FAM168B: variants seen among roughly 807,000 people sequenced by gnomAD.
FAM168B encodes family with sequence similarity 168 member B, also known as myelin-associated neurite-outgrowth inhibitor.
FAM168B carries 19 observed loss-of-function variants against 21.8 expected under a neutral mutation model. That is an observed-to-expected ratio of 0.87 (90% CI 0.61 to 1.28). The LOEUF (loss-of-function observed/expected upper bound fraction) is 1.28, where lower values mean the gene tolerates loss of function less well. Ranked by LOEUF, FAM168B falls within the 50% of genes most tolerant of loss-of-function variation. The probability of loss-of-function intolerance (pLI) is 0.00; values close to 1 mark genes in which losing one functional copy is unlikely to be tolerated. For missense variants in FAM168B, 233 were observed against 263.1 expected, an observed-to-expected ratio of 0.89 and a Z score of 0.79; for synonymous variants, 126 against 104.8, an observed-to-expected ratio of 1.20 and a Z score of -1.24.
At position 131,051,921 on chromosome 2, in the gene FAM168B, A is replaced by C; in HGVS notation, c.*544T>G. The C allele has an allele frequency of 1.0e-6, 1 of 985,490 alleles. No homozygotes were observed. Among genetic ancestry groups the C allele is most frequent in the Non-Finnish European group, 1.2e-6 (1 of 829,942 alleles). 61.0% of individuals were successfully genotyped at this position (985,490 alleles called of 1,614,324 possible). Reference sequence around the variant, plus strand: ...AAAGAAACAGGTCGCTGAAAACTAAAATGTCCACATCCCTAACTGGCAACC... The same window carrying C: ...AAAGAAACAGGTCGCTGAAAACTAACATGTCCACATCCCTAACTGGCAACC... On this transcript the variant is annotated 3_prime_UTR_variant, in exon 7 of 7. Coordinates refer to ENST00000389915, the MANE Select transcript of FAM168B (RefSeq NM_001009993.4).
At chr2:131,071,639 C>T (rs1390432269) in intron 3 of FAM168B, among the ~76,000 whole-genome samples, 1 of 152,136 alleles carries the variant, frequency 6.6e-6, no homozygotes, top group East Asian at 1.9e-4. Flanking sequence ...CTAGTGATTA[C>T]AGATTTGCCT....
Position 131,052,022 on chromosome 2 carries a change from A to T in FAM168B, c.*443T>A. On this transcript the variant is annotated 3_prime_UTR_variant, in exon 7 of 7. Transcript: ENST00000389915. ...TATGAAGAAATTCACTTTAACACTT[A>T]TAACTGTAAGACTTTGCATACATTA... is the stretch of plus-strand genomic sequence containing the variant. 2.0e-6 allele frequency: 2 copies of T among 985,718 alleles called. No homozygotes were observed. Among genetic ancestry groups the T allele is most frequent in the South Asian group, 9.4e-5 (2 of 21,290 alleles). 61.1% of individuals were successfully genotyped at this position (985,718 alleles called of 1,614,324 possible).
At chr2:131,061,275 A>C (rs1211642031) in intron 3 of FAM168B, among the ~76,000 whole-genome samples, 3 of 148,604 alleles carry the variant, frequency 2.0e-5, no homozygotes, top group East Asian at 4.1e-4. Context: ...CCAAGCTGGC[A>C]AAACCTCGCC....
At chr2:131,060,886 C>G (rs1692258059) in intron 3 of FAM168B, among the ~76,000 whole-genome samples, 1 of 151,878 alleles carries the variant, frequency 6.6e-6, no homozygotes, top group Admixed American at 6.5e-5. Context: ...GAGTCTCGCT[C>G]AGTTGCCTAG....
Position 131,082,597 on chromosome 2 carries a change from G to A in FAM168B, c.50C>T (p.Ala17Val), listed in dbSNP as rs185622031. 3.5e-5 allele frequency: 57 copies of A among 1,608,362 alleles called. No homozygotes were observed. Among genetic ancestry groups the A allele is most frequent in the East Asian group, 6.7e-5 (3 of 44,782 alleles). ...PGSSGVPYANAKGIGYPAGFP... is the reference protein window; with the variant it reads ...PGSSGVPYANVKGIGYPAGFP... Reference sequence around the variant, plus strand: ...CTTACCTGGATAACCAATTCCTTTGGCATTTGCATAGGGAACCCCAGAAGA... The same window carrying A: ...CTTACCTGGATAACCAATTCCTTTGACATTTGCATAGGGAACCCCAGAAGA... The change falls in exon 2 of 7, where the codon GCC becomes GTC. Residue 17 changes from alanine to valine, a missense_variant. By Grantham distance (64) the Ala-to-Val change is moderately conservative. Transcript: ENST00000389915.
intron 3 of FAM168B, among the ~76,000 whole-genome samples, chr2:131,058,896 T>C (rs1040988915): frequency 6.6e-5 from 10 of 152,226 alleles, no homozygotes; most frequent in African/African-American, 2.4e-4. Context: ...TATAACATTT[T>C]CTTTAATTAT....
intron 3 of FAM168B, among the ~76,000 whole-genome samples, chr2:131,070,722 C>T (rs906842567): frequency 2.0e-5 from 3 of 151,950 alleles, no homozygotes; most frequent in Admixed American, 2.0e-4. Context: ...TACTACCTAA[C>T]AATAAAAAGG....
intron 1 of FAM168B, among the ~76,000 whole-genome samples, chr2:131,088,971 T>TA (rs1693861616): frequency 6.6e-6 from 1 of 151,826 alleles, no homozygotes. Flanking sequence ...ACCACTTTTT[T>TA]TTTTTTTTTT....
chr2:131,086,271 A>G (rs1693695017), intron 1 of FAM168B, among the ~76,000 whole-genome samples: 1 of 152,180 alleles, frequency 6.6e-6, no homozygotes, highest in Non-Finnish European at 1.5e-5. Context: ...AGGAGCTACT[A>G]ATTTTTATTT....
In FAM168B at chr2:131,093,286, A is replaced by T. The variant is rs904354042; in HGVS notation, c.-84T>A. 1.3e-5 allele frequency: 2 copies of T among 150,078 alleles called. No homozygotes were observed. The highest frequency in any genetic ancestry group is 2.4e-5 in the African/African-American group (1 of 41,204). 9.3% of individuals were successfully genotyped at this position (150,078 alleles called of 1,614,324 possible). A position where few individuals can be genotyped will look rare whatever the true frequency, so the allele number is the denominator to read the frequency against. ...CGCGGCGGGCTTGGCCGTGGGGCGA[A>T]ACAAGGGGGGCGTGCCGAGGAGACC... On this transcript the variant is annotated 5_prime_UTR_variant, in exon 1 of 7. Transcript: ENST00000389915.
At chr2:131,081,719 T>A (rs1693443112) in intron 2 of FAM168B, among the ~76,000 whole-genome samples, 2 of 152,156 alleles carry the variant, frequency 1.3e-5, no homozygotes, top group Non-Finnish European at 1.5e-5. Context: ...TATCCCCATG[T>A]GGGTTGTTAA....
chr2:131,074,510 G>A (rs1449343150), intron 2 of FAM168B, among the ~76,000 whole-genome samples: 1 of 152,168 alleles, frequency 6.6e-6, no homozygotes, highest in African/African-American at 2.4e-5. Context: ...CACTAGCTGT[G>A]AGAAGCTGTA....
chr2:131,060,690 T>C (rs1026679519), intron 3 of FAM168B, among the ~76,000 whole-genome samples: 13 of 152,140 alleles, frequency 8.5e-5, no homozygotes, highest in East Asian at 1.9e-4. Context: ...CTCAAGTCCA[T>C]TGGACAAGAC....
At chr2:131,072,002 T>C (rs1193316361) in intron 2 of FAM168B, 64 bp from the exon 3 acceptor site, 1 of 1,429,696 alleles carries the variant, frequency 7.0e-7, no homozygotes, top group African/African-American at 1.4e-5. Flanking sequence ...CTAGAGCTCC[T>C]GCAAAGCCAT....
chr2:131,091,498 T>C (rs1178994220), intron 1 of FAM168B, among the ~76,000 whole-genome samples: 4 of 149,420 alleles, frequency 2.7e-5, no homozygotes, highest in South Asian at 4.2e-4. Flanking sequence ...ATACAAAAAA[T>C]TAGCTGGGCG....
chr2:131,068,320 G>A (rs925223635), intron 3 of FAM168B, among the ~76,000 whole-genome samples: 1 of 151,996 alleles, frequency 6.6e-6, no homozygotes, highest in Non-Finnish European at 1.5e-5. Flanking sequence ...CACCACACTC[G>A]GCTCATTTTT....
chr2:131,048,651 T>A lies in FAM168B; in HGVS notation c.*3814A>T. ...GCCCTCAGGACCTACTGATAAAGCA[T>A]GTCCTCTGCAGTATACTCAAGAGTC... is the stretch of plus-strand genomic sequence containing the variant. On this transcript the variant is annotated 3_prime_UTR_variant, in exon 7 of 7. Coordinates refer to ENST00000389915, the MANE Select transcript of FAM168B (RefSeq NM_001009993.4). 9.7e-7 allele frequency: 1 copy of A among 1,035,282 alleles called. No individual in the cohort carries two copies. Among genetic ancestry groups the A allele is most frequent in the Non-Finnish European group, 1.2e-6 (1 of 858,812 alleles). The allele number at this position is 1,035,282 out of a possible 1,614,324, so 64.1% of individuals were successfully genotyped here.
rs1691677400 is a variant in FAM168B, at chr2:131,051,529, G to A, written c.*936C>T. ...GATTTTCTAAGCTAAATAAAGCAGA[G>A]GACAATACCTCCTGCAAGCATGGCT... is the stretch of plus-strand genomic sequence containing the variant. On this transcript the variant is annotated 3_prime_UTR_variant, in exon 7 of 7. Transcript: ENST00000389915. 1 of 983,786 alleles carries A rather than the reference G, an allele frequency of 1.0e-6. No individual in the cohort carries two copies. The highest frequency in any genetic ancestry group is 6.2e-5 in the Admixed American group (1 of 16,154). 60.9% of individuals were successfully genotyped at this position (983,786 alleles called of 1,614,324 possible).
chr2:131,070,054 T>C (rs1009894154), intron 3 of FAM168B, among the ~76,000 whole-genome samples: 25 of 151,402 alleles, frequency 1.7e-4, no homozygotes, highest in African/African-American at 5.8e-4. Context: ...AGACGGGGTT[T>C]CACCACGTTG....
Sources: gnomAD v4.1 joint callset for allele counts (sites outside exome capture counted in the v4.1 genomes callset) on GRCh38, gnomAD v4.1.1 for gene constraint, MANE v1.5 for transcripts, NCBI Gene and HGNC (gene_info 2026-07-23, HGNC 2026-07-21) for gene names.